DEFA6: variants seen among roughly 807,000 people sequenced by gnomAD.
DEFA6 encodes defensin alpha 6.
DEFA6 carries 8 observed loss-of-function variants against 5.1 expected under a neutral mutation model. The ratio of observed to expected loss-of-function variants is 1.57; its 90% CI spans 0.92 to 2.83. DEFA6 has a LOEUF of 2.83. Among genes scored for constraint, DEFA6 ranks in the 30% most tolerant of loss-of-function variants. DEFA6 has a pLI of 0.00. For missense variants in DEFA6, 191 were observed against 119.1 expected (o/e 1.60, Z -2.81); for synonymous variants, 74 against 45.3 (o/e 1.63, Z -2.54).
Position 6,926,063 on chromosome 8 carries a change from AG to A in DEFA6, c.-29del. On this transcript the variant is annotated 5_prime_UTR_variant, in exon 1 of 2. Coordinates refer to ENST00000297436, the MANE Select transcript of DEFA6 (RefSeq NM_001926.4). ...CTAGGGTCGCTGGAGGAGAGAGAGC[AG>A]GAGCAGATGTGTGGGGAGTGAGGAG... 1.3e-6 allele frequency: 2 copies of A among 1,581,628 alleles called. No homozygotes were observed. Among genetic ancestry groups the A allele is most frequent in the Non-Finnish European group, 1.7e-6 (2 of 1,165,042 alleles).
Position 6,925,967 on chromosome 8 carries a change from T to A in DEFA6, c.69A>T (p.Gln23His). ...TTGCCTGCAGTGGATCATCCTCAGC[T>A]TGGAGTGGCTCAGCCTTGGCCTGGA... The part of the protein sequence containing the change: ...VALQAKAEPL[Q>H]AEDDPLQAKA... Residue 23 changes from glutamine (Q) to histidine (H), a missense_variant, in exon 1 of 2, where the codon CAA becomes CAT. By Grantham distance (24) the Gln-to-His change is conservative. Transcript: ENST00000297436. The A allele has an allele frequency of 1.9e-6, 3 of 1,613,902 alleles. No homozygotes were observed. Among genetic ancestry groups the A allele is most frequent in the Non-Finnish European group, 2.5e-6 (3 of 1,179,960 alleles).
At chr8:6,925,733 G>A in intron 1 of DEFA6, 110 bp downstream of exon 1, 2 of 840,780 alleles carry the variant, frequency 2.4e-6, no homozygotes, top group Non-Finnish European at 3.5e-6. Context: ...AAGTAATTGA[G>A]GCCTGGGGAG....
chr8:6,924,935 CAGAG>C lies in DEFA6; in HGVS notation c.194-12_194-9del. 1 of 1,585,246 alleles carries C rather than the reference CAGAG, an allele frequency of 6.3e-7. No homozygotes were observed. The highest frequency in any genetic ancestry group is 8.6e-7 in the Non-Finnish European group (1 of 1,156,610). On this transcript the variant is annotated splice_polypyrimidine_tract_variant and intron_variant, in intron 1 of 1. Transcript: ENST00000297436. ...TGAAAGCCCTTGTTGAGCCTGGGGA[CAGAG>C]AGAGAGAGCATCAGAAATTGAGCAC...
chr8:6,925,864 T>G lies in DEFA6; in HGVS notation c.172A>C (p.Ser58Arg). Residue 58 changes from serine (S) to arginine (R), a missense_variant, in exon 1 of 2, where the codon AGC becomes CGC. Ser to Arg is a moderately radical substitution (Grantham distance 110). Transcript: ENST00000297436. ...DFAVSFAEDA[S>R]SSLRALGSTR... is the part of the protein sequence containing the mutation. ...TTACCCAAAGCTCTAAGACTTGAGC[T>G]TGCATCCTCTGCAAAGGAGACGGCA... is the stretch of plus-strand genomic sequence containing the variant. 3 of 1,613,660 alleles carry G rather than the reference T, an allele frequency of 1.9e-6. No individual in the cohort carries two copies. In the South Asian group the frequency reaches 3.3e-5, roughly 18 times the overall value.
intron 1 of DEFA6, among the ~76,000 whole-genome samples, chr8:6,925,562 C>T (rs117004661): frequency 0.022 from 3,403 of 152,184 alleles, 56 homozygotes; most frequent in Non-Finnish European, 0.032. Context: ...ACAAAACATT[C>T]CTTTAAAATT....
At chr8:6,925,046 A>G in intron 1 of DEFA6, 119 bp from the exon 2 acceptor site, 2 of 640,482 alleles carry the variant, frequency 3.1e-6, no homozygotes, top group East Asian at 2.6e-5. Context: ...ATTACAGCCA[A>G]TAGCATGATC....
At chr8:6,925,602 C>G (rs142498854) in intron 1 of DEFA6, among the ~76,000 whole-genome samples, 10 of 152,344 alleles carry the variant, frequency 6.6e-5, no homozygotes, top group East Asian at 5.8e-4. Flanking sequence ...AGAGACTCCT[C>G]AATACATTTC....
chr8:6,924,795 A>G lies in DEFA6; in HGVS notation c.*23T>C. 6.6e-7 allele frequency: 1 copy of G among 1,505,482 alleles called. No individual in the cohort carries two copies. The highest frequency in any genetic ancestry group is 9.2e-7 in the Non-Finnish European group (1 of 1,087,358). 93.3% of individuals were successfully genotyped at this position (1,505,482 alleles called of 1,614,324 possible). ...CTAGGTCATAAAGTAAATTATGAAT[A>G]TATTTCTCTCTGTTCTCATCCCTCA... On this transcript the variant is annotated 3_prime_UTR_variant, in exon 2 of 2. Coordinates refer to ENST00000297436, the MANE Select transcript of DEFA6 (RefSeq NM_001926.4).
chr8:6,924,909 G>A lies in DEFA6; in HGVS notation c.212C>T (p.Thr71Ile), dbSNP rs1353241561. 4.4e-6 allele frequency: 7 copies of A among 1,608,616 alleles called. No individual in the cohort carries two copies. Among genetic ancestry groups the A allele is most frequent in the African/African-American group, 1.3e-5 (1 of 75,010 alleles). Residue 71 changes from threonine to isoleucine, a missense_variant, in exon 2 of 2, where the codon ACT becomes ATT. Physicochemically the swap from Thr to Ile is moderately conservative, Grantham distance 89. Coordinates refer to ENST00000297436, the MANE Select transcript of DEFA6 (RefSeq NM_001926.4). ...LRALGSTRAF[T>I]CHCRRSCYST... ...ATAACAGGACCTTCTGCAATGGCAAGTGAAAGCCCTTGTTGAGCCTGGGGA... is the reference window on the plus strand; with the variant it reads ...ATAACAGGACCTTCTGCAATGGCAAATGAAAGCCCTTGTTGAGCCTGGGGA...
intron 1 of DEFA6, 61 bp from the exon 2 acceptor site, chr8:6,924,988 G>T: frequency 1.7e-6 from 2 of 1,150,728 alleles, no homozygotes; most frequent in East Asian, 2.4e-5. Context: ...GGGCAGTAAA[G>T]AGAATCTTCA....
At chr8:6,925,689 A>G (rs545350855) in intron 1 of DEFA6, among the ~76,000 whole-genome samples, 154 bp downstream of exon 1, 1 of 152,366 alleles carries the variant, frequency 6.6e-6, no homozygotes, top group Admixed American at 6.5e-5. Context: ...CATGCCTTGA[A>G]TATCACTGAT....
Position 6,924,908 on chromosome 8 carries a change from A to G in DEFA6, c.213T>C (p.Thr71=), listed in dbSNP as rs181510765. ...AATAACAGGACCTTCTGCAATGGCAAGTGAAAGCCCTTGTTGAGCCTGGGG... is the reference window on the plus strand; with the variant it reads ...AATAACAGGACCTTCTGCAATGGCAGGTGAAAGCCCTTGTTGAGCCTGGGG... The part of the protein sequence containing the change: ...LRALGSTRAF[T]CHCRRSCYST... Residue 71 remains threonine, a synonymous_variant, in exon 2 of 2, where the codon ACT becomes ACC. Transcript: ENST00000297436. 5.0e-6 allele frequency: 8 copies of G among 1,608,914 alleles called. No individual in the cohort carries two copies. Among genetic ancestry groups the G allele is most frequent in the Non-Finnish European group, 6.8e-6 (8 of 1,175,794 alleles).
chr8:6,925,676 A>T (rs1373481027), intron 1 of DEFA6, among the ~76,000 whole-genome samples, 167 bp downstream of exon 1: 2 of 152,252 alleles, frequency 1.3e-5, no homozygotes, highest in African/African-American at 4.8e-5. Context: ...TTTAGAGAAA[A>T]GTCATGCCTT....
intron 1 of DEFA6, among the ~76,000 whole-genome samples, chr8:6,925,316 C>G (rs149867409): frequency 9.2e-5 from 14 of 151,448 alleles, no homozygotes; most frequent in African/African-American, 3.4e-4. Context: ...GTCAGGAGTT[C>G]AAGACTAGCC....
At chr8:6,925,444 G>A (rs2741691) in intron 1 of DEFA6, among the ~76,000 whole-genome samples, 8 of 151,810 alleles carry the variant, frequency 5.3e-5, no homozygotes, top group South Asian at 2.1e-4. Flanking sequence ...AGAGAATTGC[G>A]TGAACCCAGG....
At position 6,926,010 on chromosome 8, in the gene DEFA6, G is replaced by A. The variant is rs1808425628; in HGVS notation, c.26C>T (p.Ala9Val). 1 of 1,612,488 alleles carries A rather than the reference G, an allele frequency of 6.2e-7. No individual in the cohort carries two copies. Among genetic ancestry groups the A allele is most frequent in the South Asian group, 1.1e-5 (1 of 90,616 alleles). The change falls in exon 1 of 2, where the codon GCT becomes GTT. Residue 9 changes from alanine to valine, a missense_variant. Coordinates refer to ENST00000297436, the MANE Select transcript of DEFA6 (RefSeq NM_001926.4). MRTLTILT[A>V]VLLVALQAKA... ...GGCCTGGAGGGCCACGAGGAGAACA[G>A]CAGTGAGGATGGTGAGGGTTCTCAT... is the stretch of plus-strand genomic sequence containing the variant.
Position 6,924,884 on chromosome 8 carries a change from A to C in DEFA6, c.237T>G (p.Tyr79Ter), listed in dbSNP as rs767987440. 5.5e-5 allele frequency: 89 copies of C among 1,611,758 alleles called. No homozygotes were observed. Among genetic ancestry groups the C allele is most frequent in the South Asian group, 3.4e-4 (31 of 90,954 alleles). Reference protein sequence around the residue: ...AFTCHCRRSCYSTEYSYGTCT... With the variant: ...AFTCHCRRSC ...AGGTCCCATAGGAATATTCTGTTGA[A>C]TAACAGGACCTTCTGCAATGGCAAG... is the stretch of plus-strand genomic sequence containing the variant. Residue 79 changes from tyrosine to a stop codon, truncating the protein, a stop_gained, in exon 2 of 2, where the codon TAT (tyrosine) becomes TAG (stop). Coordinates refer to ENST00000297436, the MANE Select transcript of DEFA6 (RefSeq NM_001926.4). LOFTEE classifies it low-confidence loss of function (END_TRUNC).
At chr8:6,925,258 C>A (rs548316449) in intron 1 of DEFA6, among the ~76,000 whole-genome samples, 3 of 152,050 alleles carry the variant, frequency 2.0e-5, no homozygotes, top group African/African-American at 7.2e-5. Context: ...TGGTGGCTTA[C>A]GCCTGTAATC....
intron 1 of DEFA6, among the ~76,000 whole-genome samples, chr8:6,925,401 G>T (rs543577355): frequency 4.6e-5 from 7 of 152,122 alleles, no homozygotes; most frequent in African/African-American, 1.4e-4. Flanking sequence ...GGTGTCTGGT[G>T]CCTGTAATCC....
Sources: gnomAD v4.1 joint callset for allele counts (sites outside exome capture counted in the v4.1 genomes callset) on GRCh38, gnomAD v4.1.1 for gene constraint, MANE v1.5 for transcripts, NCBI Gene and HGNC (gene_info 2026-07-23, HGNC 2026-07-21) for gene names.